The following C4orf51 variants were observed in gnomAD, a reference collection of about 807,000 sequenced individuals.
C4orf51 encodes the protein chromosome 4 open reading frame 51.
A neutral mutation model predicts 25.2 loss-of-function variants in C4orf51; 25 were observed. The ratio of observed to expected loss-of-function variants is 0.99; its 90% CI spans 0.72 to 1.39. The LOEUF (loss-of-function observed/expected upper bound fraction) is 1.39. Ranked by LOEUF, C4orf51 falls within the 40% of genes most tolerant of loss-of-function variation. The pLI is 0.00. For synonymous variants in C4orf51, 100 were observed against 84.5 expected, an observed-to-expected ratio of 1.18 and a Z score of -1.01; for missense variants, 252 against 239.6, an observed-to-expected ratio of 1.05 and a Z score of -0.34.
At chr4:145,701,552 G>A (rs1169034195) in intron 2 of C4orf51, among the ~76,000 whole-genome samples, 3 of 151,624 alleles carry the variant, frequency 2.0e-5, no homozygotes, top group Non-Finnish European at 2.9e-5. Context: ...TTGGCTTAGC[G>A]GCTGAAGACT....
At chr4:145,768,583 C>A (rs1735676106) in intron 1 of C4orf51, among the ~76,000 whole-genome samples, 1 of 151,966 alleles carries the variant, frequency 6.6e-6, no homozygotes, top group South Asian at 2.1e-4. Flanking sequence ...TTCAACATGA[C>A]CCCATCGTTT....
chr4:145,729,262 C>T (rs190473905), intron 4 of C4orf51, 33 bp downstream of exon 4: 2 of 1,143,680 alleles, frequency 1.7e-6, no homozygotes, highest in Admixed American at 2.0e-5. Context: ...ACTTTACATC[C>T]ATTTTCTGGC....
chr4:145,693,662 G>A (rs1455050555), intron 1 of C4orf51, among the ~76,000 whole-genome samples: 1 of 79,894 alleles, frequency 1.3e-5, no homozygotes, highest in Non-Finnish European at 2.5e-5. Flanking sequence ...GGGCAGGGGG[G>A]CTGACCCCCC....
chr4:145,777,343 A>C, the C4orf51 span, among the ~76,000 whole-genome samples: 126 of 152,314 alleles, frequency 8.3e-4, no homozygotes, highest in Non-Finnish European at 1.1e-3. Context: ...TTTTTCTATC[A>C]TTTGGAAAGG....
At chr4:145,690,554 C>T (rs1729485434) in intron 1 of C4orf51, among the ~76,000 whole-genome samples, 2 of 152,170 alleles carry the variant, frequency 1.3e-5, no homozygotes, top group South Asian at 2.1e-4. Context: ...AGGTAACACT[C>T]TTCTGGACAT....
chr4:145,704,071 A>G (rs72952615), intron 2 of C4orf51, among the ~76,000 whole-genome samples: 1,606 of 152,344 alleles, frequency 0.011, 33 homozygotes, highest in African/African-American at 0.037. Context: ...ATGTCCAGAA[A>G]CAGGTAAATC....
intron 2 of C4orf51, among the ~76,000 whole-genome samples, chr4:145,725,050 A>G (rs545512506): frequency 7.2e-5 from 11 of 151,954 alleles, no homozygotes; most frequent in African/African-American, 2.7e-4. Flanking sequence ...TGGGAGGGGG[A>G]TGAGGAATAA....
chr4:145,777,349 A>G, the C4orf51 span, among the ~76,000 whole-genome samples: 1 of 152,206 alleles, frequency 6.6e-6, no homozygotes. Context: ...TATCATTTGG[A>G]AAGGTTTAAT....
At chr4:145,691,780 G>T (rs1055312460) in intron 1 of C4orf51, among the ~76,000 whole-genome samples, 1 of 121,448 alleles carries the variant, frequency 8.2e-6, no homozygotes. Context: ...GGGCAGAGAG[G>T]GAAGGGAGCA....
chr4:145,747,682 C>T (rs1310022137), intron 1 of C4orf51, among the ~76,000 whole-genome samples: 1 of 138,364 alleles, frequency 7.2e-6, no homozygotes, highest in Non-Finnish European at 1.6e-5. Context: ...CTTTCCCTCC[C>T]TCCCTCCCTT....
downstream of C4orf51, chr4:145,759,328 G>A (rs1053701383): frequency 1.3e-5 from 2 of 151,990 alleles, no homozygotes; most frequent in Non-Finnish European, 2.9e-5. Context: ...GATTAGCAAA[G>A]AGCTTTACAA....
chr4:145,747,741 T>C (rs1482938135), intron 1 of C4orf51, among the ~76,000 whole-genome samples: 1 of 148,372 alleles, frequency 6.7e-6, no homozygotes, highest in African/African-American at 2.5e-5. Flanking sequence ...TTTCTCTTTT[T>C]CTTTTCCTTC....
chr4:145,710,232 G>A (rs1051833891), intron 2 of C4orf51, among the ~76,000 whole-genome samples: 61 of 152,204 alleles, frequency 4.0e-4, no homozygotes, highest in African/African-American at 7.5e-4. Flanking sequence ...AAGGCAGAAG[G>A]AGAAACAGAG....
At chr4:145,781,570 G>A in the C4orf51 span, among the ~76,000 whole-genome samples, 2 of 152,292 alleles carry the variant, frequency 1.3e-5, no homozygotes, top group East Asian at 3.9e-4. Context: ...AAGAAGGGTT[G>A]CTCTTATTAA....
downstream of C4orf51, among the ~76,000 whole-genome samples, chr4:145,737,363 A>C (rs1732862050): frequency 6.6e-6 from 1 of 152,254 alleles, no homozygotes; most frequent in Non-Finnish European, 1.5e-5. Context: ...CATATTATGC[A>C]AAGGCAAAAT....
downstream of C4orf51, among the ~76,000 whole-genome samples, chr4:145,755,233 G>A (rs113632789): frequency 1.6e-3 from 239 of 152,250 alleles, 1 homozygote; most frequent in African/African-American, 5.4e-3. Context: ...GATGCTTAAC[G>A]GTATGTCTTA....
At chr4:145,757,472 A>T (rs1734037137), downstream of C4orf51, among the ~76,000 whole-genome samples, 1 of 152,236 alleles carries the variant, frequency 6.6e-6, no homozygotes, top group Non-Finnish European at 1.5e-5. Flanking sequence ...TCGCTGTTCA[A>T]CACTTGAATT....
intron 2 of C4orf51, among the ~76,000 whole-genome samples, chr4:145,714,661 G>C (rs929906615): frequency 2.0e-5 from 3 of 152,176 alleles, no homozygotes; most frequent in Non-Finnish European, 4.4e-5. Context: ...CATTTTGGGG[G>C]ATTGGTAACT....
chr4:145,779,993 C>A, the C4orf51 span, among the ~76,000 whole-genome samples: 1 of 152,160 alleles, frequency 6.6e-6, no homozygotes, highest in South Asian at 2.1e-4. Flanking sequence ...AAGTTCAAGA[C>A]CAGCCTGGCC....
Sources: gnomAD v4.1 joint callset for allele counts (sites outside exome capture counted in the v4.1 genomes callset) on GRCh38, gnomAD v4.1.1 for gene constraint, MANE v1.5 for transcripts, NCBI Gene and HGNC (gene_info 2026-07-23, HGNC 2026-07-21) for gene names.